SLC9A9: variants seen among roughly 807,000 people sequenced by gnomAD.
SLC9A9 encodes the protein solute carrier family 9 member A9.
A neutral mutation model predicts 77.8 loss-of-function variants in SLC9A9; 62 were observed. That is an observed-to-expected ratio of 0.80 (90% CI 0.65 to 0.98). The LOEUF (loss-of-function observed/expected upper bound fraction) is 0.98, where lower values mean the gene tolerates loss of function less well. Among genes scored for constraint, SLC9A9 ranks in the 50% least tolerant of loss-of-function variants. The pLI, the probability that SLC9A9 is intolerant of heterozygous loss-of-function variation, is 0.00. For synonymous variants in SLC9A9, 320 were observed against 283.5 expected (o/e 1.13, Z -1.29); for missense variants, 775 against 774.9 (o/e 1.00, Z 0.00).
chr3:143,722,757 T>C (rs376165695), intron 4 of SLC9A9, among the ~76,000 whole-genome samples: 6 of 152,334 alleles, frequency 3.9e-5, no homozygotes, highest in African/African-American at 1.4e-4. Context: ...AGCCACTAAT[T>C]GGTCTCTGTG....
chr3:143,644,692 G>C (rs950052269), intron 6 of SLC9A9, among the ~76,000 whole-genome samples: 3 of 152,054 alleles, frequency 2.0e-5, no homozygotes, highest in Admixed American at 6.6e-5. Flanking sequence ...GATGCCACCT[G>C]GTGTCTGAAA....
intron 4 of SLC9A9, among the ~76,000 whole-genome samples, chr3:143,770,832 C>T (rs2007491022): frequency 6.6e-6 from 1 of 152,060 alleles, no homozygotes; most frequent in Non-Finnish European, 1.5e-5. Context: ...CTCCTGCAAC[C>T]TAATAGGTAA....
intron 11 of SLC9A9, among the ~76,000 whole-genome samples, chr3:143,474,641 T>A (rs541311918): frequency 2.6e-5 from 4 of 151,978 alleles, no homozygotes; most frequent in Admixed American, 2.6e-4. Context: ...TGTTCCCGCT[T>A]TATTACATCT....
intron 9 of SLC9A9, among the ~76,000 whole-genome samples, chr3:143,495,885 C>T (rs1274496891): frequency 6.6e-6 from 1 of 151,994 alleles, no homozygotes; most frequent in Non-Finnish European, 1.5e-5. Flanking sequence ...TTTTTTTAAG[C>T]TTAAACTAAA....
At chr3:143,718,262 C>CT (rs1934405106) in intron 4 of SLC9A9, among the ~76,000 whole-genome samples, 1 of 152,168 alleles carries the variant, frequency 6.6e-6, no homozygotes, top group Non-Finnish European at 1.5e-5. Context: ...GCAAACTCAC[C>CT]TACTGGTTTG....
At chr3:143,709,474 C>A (rs999274876) in intron 4 of SLC9A9, among the ~76,000 whole-genome samples, 23 of 152,054 alleles carry the variant, frequency 1.5e-4, no homozygotes, top group African/African-American at 5.1e-4. Context: ...GTCGCTGGTC[C>A]CCAGCCACAC....
chr3:143,355,787 A>C (rs556653986), intron 14 of SLC9A9, among the ~76,000 whole-genome samples: 21 of 152,312 alleles, frequency 1.4e-4, no homozygotes, highest in Admixed American at 1.4e-3. Flanking sequence ...GAATAAATTG[A>C]TGAGGAAAGT....
chr3:143,497,466 A>G (rs1392802444), intron 9 of SLC9A9, among the ~76,000 whole-genome samples: 5 of 152,226 alleles, frequency 3.3e-5, no homozygotes, highest in African/African-American at 9.6e-5. Context: ...TGGGCCCAAG[A>G]AAATTCCATT....
intron 9 of SLC9A9, among the ~76,000 whole-genome samples, chr3:143,501,891 G>C (rs1217012455): frequency 6.6e-6 from 1 of 150,768 alleles, no homozygotes; most frequent in Non-Finnish European, 1.5e-5. Flanking sequence ...AGCAAGGCCA[G>C]CTGACAGAAC....
intron 4 of SLC9A9, among the ~76,000 whole-genome samples, chr3:143,792,711 A>G (rs1410459258): frequency 6.6e-6 from 1 of 152,054 alleles, no homozygotes; most frequent in African/African-American, 2.4e-5. Context: ...CACTTCACTT[A>G]CTTGCCCTGG....
chr3:143,500,417 C>T (rs530367202), intron 9 of SLC9A9, among the ~76,000 whole-genome samples: 10 of 152,206 alleles, frequency 6.6e-5, no homozygotes, highest in East Asian at 1.9e-4. Flanking sequence ...TTTGGCTTGT[C>T]GATTTTTCTG....
At chr3:143,399,484 G>A (rs2033802382) in intron 12 of SLC9A9, among the ~76,000 whole-genome samples, 1 of 152,078 alleles carries the variant, frequency 6.6e-6, no homozygotes, top group Non-Finnish European at 1.5e-5. Context: ...TTTAAAATCA[G>A]GAAAGTGAAA....
intron 4 of SLC9A9, among the ~76,000 whole-genome samples, chr3:143,790,282 T>C (rs2008181558): frequency 6.6e-6 from 1 of 152,226 alleles, no homozygotes. Context: ...CAGGTATTTC[T>C]TCACTGCAAC....
chr3:143,700,421 C>G (rs1352656848), intron 4 of SLC9A9, among the ~76,000 whole-genome samples: 1 of 152,142 alleles, frequency 6.6e-6, no homozygotes, highest in Non-Finnish European at 1.5e-5. Flanking sequence ...CTGCCCTGGG[C>G]CAGAGGGGAG....
intron 8 of SLC9A9, among the ~76,000 whole-genome samples, chr3:143,554,757 A>G (rs2036950588): frequency 6.6e-6 from 1 of 151,998 alleles, no homozygotes; most frequent in African/African-American, 2.4e-5. Flanking sequence ...TTACCTTTCA[A>G]TATCCTCTCT....
At chr3:143,559,533 TG>T (rs1233561284) in intron 8 of SLC9A9, among the ~76,000 whole-genome samples, 1 of 152,142 alleles carries the variant, frequency 6.6e-6, no homozygotes. Flanking sequence ...ATTAATCCAC[TG>T]GGATGAACCC....
At chr3:143,449,064 TA>T (rs1260088672) in intron 12 of SLC9A9, among the ~76,000 whole-genome samples, 3 of 1,596 alleles carry the variant, frequency 1.9e-3, no homozygotes, top group Non-Finnish European at 2.6e-3. Flanking sequence ...TATAATTATA[TA>T]AATATAATTA....
intron 11 of SLC9A9, 124 bp downstream of exon 11, chr3:143,493,528 GT>G: frequency 1.3e-6 from 1 of 789,396 alleles, no homozygotes; most frequent in South Asian, 1.5e-5. Flanking sequence ...TCAGCATAGT[GT>G]TAGGTACAAT....
At chr3:143,322,536 G>A (rs762044786) in intron 14 of SLC9A9, among the ~76,000 whole-genome samples, 2 of 152,118 alleles carry the variant, frequency 1.3e-5, no homozygotes, top group African/African-American at 2.4e-5. Context: ...TATAATAAAT[G>A]TATGTATGTA....
Sources: allele counts gnomAD v4.1 joint callset (sites outside exome capture counted in the v4.1 genomes callset), GRCh38; gene constraint gnomAD v4.1.1; transcripts MANE v1.5; gene names NCBI Gene and HGNC (gene_info 2026-07-23, HGNC 2026-07-21).